Variants in ANK3 observed in about 807,000 individuals in gnomAD.
ANK3 encodes ankyrin-3.
ANK3 carries 57 observed loss-of-function variants against 370.9 expected under a neutral mutation model. The observed-to-expected ratio is 0.15, with a 90% CI of 0.12 to 0.19. The LOEUF is 0.19. Among genes scored for constraint, ANK3 ranks in the 10% least tolerant of loss-of-function variants. The probability of loss-of-function intolerance (pLI) is 1.00; values close to 1 mark genes in which losing one functional copy is unlikely to be tolerated. For missense variants in ANK3, 4,439 were observed against 5,302.1 expected (o/e 0.84, Z 5.06); for synonymous variants, 1,929 against 1,946.3 (o/e 0.99, Z 0.23).
At chr10:60,458,194 G>A (rs2064797469) in intron 2 of ANK3, among the ~76,000 whole-genome samples, 1 of 152,038 alleles carries the variant, frequency 6.6e-6, no homozygotes, top group Admixed American at 6.6e-5. Context: ...AAGTACAGAT[G>A]GAAGTTACTG....
At chr10:60,425,128 C>T (rs2063855951) in intron 2 of ANK3, among the ~76,000 whole-genome samples, 1 of 151,920 alleles carries the variant, frequency 6.6e-6, no homozygotes, top group South Asian at 2.1e-4. Flanking sequence ...AAAAGGGAAG[C>T]TGGAGAGCTG....
intron 42 of ANK3, among the ~76,000 whole-genome samples, chr10:60,049,517 G>A (rs1228504076): frequency 1.3e-5 from 2 of 152,016 alleles, no homozygotes; most frequent in Non-Finnish European, 2.9e-5. Flanking sequence ...AACTGGGGAG[G>A]TGGAGGTTGC....
intron 40 of ANK3, chr10:60,060,860 A>G (rs1253225866): frequency 1.3e-5 from 2 of 152,200 alleles, no homozygotes; most frequent in African/African-American, 4.8e-5. Flanking sequence ...ATTCACGACA[A>G]TGCTATGAAA....
intron 1 of ANK3, among the ~76,000 whole-genome samples, chr10:60,683,482 T>A (rs1430064823): frequency 6.6e-6 from 1 of 152,174 alleles, no homozygotes; most frequent in African/African-American, 2.4e-5. Flanking sequence ...TTTGTCCTTA[T>A]CCCCAAAAGG....
At chr10:60,441,966 A>G (rs970271543) in intron 2 of ANK3, among the ~76,000 whole-genome samples, 9 of 152,186 alleles carry the variant, frequency 5.9e-5, no homozygotes, top group African/African-American at 9.7e-5. Flanking sequence ...GCAAACAAAT[A>G]CAGTTGTCTC....
At chr10:60,367,280 A>G (rs1412801807) in intron 1 of ANK3, among the ~76,000 whole-genome samples, 2 of 152,188 alleles carry the variant, frequency 1.3e-5, no homozygotes, top group Non-Finnish European at 2.9e-5. Flanking sequence ...GTTTGTTTAA[A>G]TTTTTCATCA....
intron 1 of ANK3, among the ~76,000 whole-genome samples, chr10:60,320,967 C>G (rs2048506843): frequency 6.6e-6 from 1 of 152,152 alleles, no homozygotes; most frequent in Non-Finnish European, 1.5e-5. Context: ...TTGAAAATCA[C>G]TATTACAGAG....
At chr10:60,300,743 C>T (rs1466470136) in intron 1 of ANK3, among the ~76,000 whole-genome samples, 4 of 152,212 alleles carry the variant, frequency 2.6e-5, no homozygotes, top group Middle Eastern at 3.4e-3. Flanking sequence ...CAGCACTTTC[C>T]TCTGTACTCA....
At chr10:60,255,310 T>C (rs1321747524) in intron 7 of ANK3, among the ~76,000 whole-genome samples, 2 of 152,112 alleles carry the variant, frequency 1.3e-5, no homozygotes, top group Non-Finnish European at 2.9e-5. Context: ...TATTAATATG[T>C]CAAGGAAGGT....
intron 9 of ANK3, among the ~76,000 whole-genome samples, chr10:60,211,251 C>G (rs1262079452): frequency 1.4e-5 from 2 of 148,016 alleles, no homozygotes; most frequent in East Asian, 4.2e-4. Context: ...TGAAGGACAC[C>G]AGAATTAGTG....
At chr10:60,030,610 G>T (rs1263526180) in intron 43 of ANK3, among the ~76,000 whole-genome samples, 1 of 152,096 alleles carries the variant, frequency 6.6e-6, no homozygotes, top group Non-Finnish European at 1.5e-5. Flanking sequence ...TCTCATGGCA[G>T]GATCCAGTCA....
chr10:60,595,572 A>G (rs533639101), intron 2 of ANK3, among the ~76,000 whole-genome samples: 2 of 152,264 alleles, frequency 1.3e-5, no homozygotes, highest in African/African-American at 4.8e-5. Flanking sequence ...CTATAAGAGC[A>G]ACTGGAGTAG....
intron 1 of ANK3, among the ~76,000 whole-genome samples, chr10:60,297,226 G>T (rs529122030): frequency 2.0e-5 from 3 of 152,210 alleles, no homozygotes; most frequent in Non-Finnish European, 2.9e-5. Context: ...CAAACTGGTT[G>T]CCATCACTCA....
intron 23 of ANK3, among the ~76,000 whole-genome samples, chr10:60,141,763 A>T (rs1373384681): frequency 6.6e-6 from 1 of 152,008 alleles, no homozygotes; most frequent in Non-Finnish European, 1.5e-5. Context: ...AGTAGGGGGA[A>T]AAATCTGTTT....
intron 7 of ANK3, among the ~76,000 whole-genome samples, chr10:60,247,081 T>C (rs1215905267): frequency 1.3e-5 from 2 of 152,186 alleles, no homozygotes; most frequent in African/African-American, 4.8e-5. Flanking sequence ...AGTGGCATGA[T>C]CTCGGCTCAA....
In ANK3 at chr10:60,072,417, G is replaced by A. The variant is rs2082900008; in HGVS notation, c.8464C>T (p.Pro2822Ser). The A allele has an allele frequency of 6.2e-6, 10 of 1,614,002 alleles. No homozygotes were observed. Among genetic ancestry groups the A allele is most frequent in the Non-Finnish European group, 7.6e-6 (9 of 1,179,976 alleles). ...QRTEMSSKAM[P>S]DSFSEQQAKD... ...GCCTGCTGCTCAGAAAAAGAGTCAG[G>A]CATTGCTTTACTTGACATTTCAGTT... Residue 2822 changes from proline to serine, a missense_variant, in exon 37 of 44, where the codon CCT becomes TCT. Pro to Ser is a moderately conservative substitution (Grantham distance 74, BLOSUM62 -1). This residue lies in a region of ANK3 where 1,601 missense variants were observed against 1,731.7 expected (regional missense o/e 0.92). Transcript: ENST00000280772.
chr10:60,587,160 T>C (rs1203347373), intron 2 of ANK3, among the ~76,000 whole-genome samples: 1 of 152,248 alleles, frequency 6.6e-6, no homozygotes, highest in Admixed American at 6.5e-5. Flanking sequence ...CTATCACTTA[T>C]AAAGCCATCA....
chr10:60,607,904 G>A (rs563818728), intron 2 of ANK3, among the ~76,000 whole-genome samples: 4 of 152,264 alleles, frequency 2.6e-5, no homozygotes, highest in Non-Finnish European at 4.4e-5. Context: ...ACCTAATGTC[G>A]TTATCAGCCA....
intron 2 of ANK3, among the ~76,000 whole-genome samples, chr10:60,420,678 C>T (rs1368010961): frequency 6.6e-6 from 1 of 152,030 alleles, no homozygotes; most frequent in Non-Finnish European, 1.5e-5. Context: ...CTGTTGTCCC[C>T]TAAATGAACA....
Sources: allele counts gnomAD v4.1 joint callset (sites outside exome capture counted in the v4.1 genomes callset), GRCh38; gene constraint gnomAD v4.1.1; regional missense constraint gnomAD v4.1.1; transcripts MANE v1.5; gene names NCBI Gene and HGNC (gene_info 2026-07-23, HGNC 2026-07-21).